USH2A: variants seen among roughly 807,000 people sequenced by gnomAD.
USH2A encodes the protein usherin, also known as Usher syndrome 2A (autosomal recessive, mild).
A neutral mutation model predicts 538.9 loss-of-function variants in USH2A; 443 were observed. The ratio of observed to expected loss-of-function variants is 0.82; its 90% CI spans 0.76 to 0.89. The LOEUF (loss-of-function observed/expected upper bound fraction) is 0.89. USH2A is among the 40% of genes least tolerant of loss of function. The pLI, the probability that USH2A is intolerant of heterozygous loss-of-function variation, is 0.00. For missense variants in USH2A, 6,633 were observed against 6,324.8 expected (o/e 1.05, Z -1.65); for synonymous variants, 2,413 against 2,273.5 (o/e 1.06, Z -1.75).
At chr1:216,071,361 C>T (rs372354824) in intron 29 of USH2A, among the ~76,000 whole-genome samples, 3 of 152,194 alleles carry the variant, frequency 2.0e-5, no homozygotes, top group South Asian at 2.1e-4. Flanking sequence ...AGAAAACACA[C>T]AGGCCACAAG....
At chr1:216,409,352 C>T (rs146672156) in intron 3 of USH2A, among the ~76,000 whole-genome samples, 1,558 of 152,092 alleles carry the variant, frequency 0.01, 22 homozygotes, top group African/African-American at 0.035. Flanking sequence ...AAACAAACAA[C>T]GACATTCTTG....
chr1:216,312,090 A>G (rs1231745766), intron 9 of USH2A, among the ~76,000 whole-genome samples: 2 of 152,098 alleles, frequency 1.3e-5, no homozygotes, highest in South Asian at 2.1e-4. Context: ...CAAGGCAAGA[A>G]AAGTCTACTG....
At chr1:215,753,281 TA>T (rs1205629944) in intron 58 of USH2A, among the ~76,000 whole-genome samples, 1 of 152,058 alleles carries the variant, frequency 6.6e-6, no homozygotes, top group Non-Finnish European at 1.5e-5. Flanking sequence ...GAACTAGAAA[TA>T]CCATTTGACC....
At chr1:216,176,397 A>G (rs868352588) in intron 20 of USH2A, among the ~76,000 whole-genome samples, 20 of 151,898 alleles carry the variant, frequency 1.3e-4, no homozygotes, top group African/African-American at 4.8e-4. Flanking sequence ...CACTACGCCC[A>G]GTAGACTTAA....
intron 4 of USH2A, among the ~76,000 whole-genome samples, chr1:216,329,543 C>T (rs566241428): frequency 2.6e-5 from 4 of 152,040 alleles, no homozygotes; most frequent in Admixed American, 6.6e-5. Context: ...GCCTGTGTCC[C>T]GTTTTTTCTT....
rs747767544 is a variant in USH2A, at chr1:216,418,599, C to T, written c.566G>A (p.Arg189His). The change falls in exon 3 of 72, where the codon CGC becomes CAC. Residue 189 changes from arginine to histidine, a missense_variant. Coordinates refer to ENST00000307340, the MANE Select transcript of USH2A (RefSeq NM_206933.4). ...TGGAGGTTGCAAACCATTTACTGTG[C>T]GATAATAAAACATGGTCTCTTTCTC... ...ISEKETMFYYRTVNGLQPPIK... is the reference protein window; with the variant it reads ...ISEKETMFYYHTVNGLQPPIK... 27 of 1,613,098 alleles carry T rather than the reference C, an allele frequency of 1.7e-5. No individual in the cohort carries two copies. The highest frequency in any genetic ancestry group is 2.2e-5 in the East Asian group (1 of 44,818).
At chr1:215,820,212 C>T (rs1242380632) in intron 47 of USH2A, among the ~76,000 whole-genome samples, 2 of 151,200 alleles carry the variant, frequency 1.3e-5, no homozygotes, top group African/African-American at 4.9e-5. Context: ...TACCTTAATA[C>T]AACTTCTGAT....
intron 32 of USH2A, among the ~76,000 whole-genome samples, chr1:216,015,830 A>G (rs1288049067): frequency 6.6e-6 from 1 of 152,174 alleles, no homozygotes; most frequent in African/African-American, 2.4e-5. Context: ...TGACCTAGCT[A>G]TCCCATTACT....
rs780126326 is a variant in USH2A at position 216,323,548 on chromosome 1, C to T, written c.1476G>A (p.Gln492=). ...TAACAGCAGTCTCAGTTGTATAGTA[C>T]TGCCCATGAAAATGAAACCTTATTT... ...ATQIRFHFHG[Q]YYTTETAVNL... Residue 492 remains glutamine (Q), a synonymous_variant, in exon 8 of 72, where the codon CAG becomes CAA. Coordinates refer to ENST00000307340, the MANE Select transcript of USH2A (RefSeq NM_206933.4). 1.2e-6 allele frequency: 2 copies of T among 1,613,504 alleles called. No homozygotes were observed. Among genetic ancestry groups the T allele is most frequent in the East Asian group, 2.2e-5 (1 of 44,784 alleles).
chr1:215,970,113 G>A (rs1667454864), intron 36 of USH2A, among the ~76,000 whole-genome samples: 1 of 152,118 alleles, frequency 6.6e-6, no homozygotes, highest in African/African-American at 2.4e-5. Context: ...ATCAAAAGCT[G>A]ATATTGATGT....
At chr1:215,897,388 T>C (rs1402980804) in intron 40 of USH2A, among the ~76,000 whole-genome samples, 2 of 152,154 alleles carry the variant, frequency 1.3e-5, no homozygotes, top group East Asian at 1.9e-4. Context: ...AATTTCTACA[T>C]TGAAAATTGC....
rs115612986 is a variant in USH2A at position 216,162,112 on chromosome 1, T to A, written c.4627+13140A>T. Among the ~76,000 whole-genome samples the A allele has an allele frequency of 3.7e-3, 565 of 152,168 alleles. 3 individuals carry two copies. Among genetic ancestry groups the A allele is most frequent in the African/African-American group, 0.013 (544 of 41,560 alleles). On this transcript the variant is annotated intron_variant, in intron 21 of 71. Transcript: ENST00000307340. ...TTCATATTTGATAATATTTGGCTAT[T>A]CTACAATATTACTATTGTCTCATTC... is the stretch of plus-strand genomic sequence containing the variant.
intron 11 of USH2A, among the ~76,000 whole-genome samples, chr1:216,253,606 TATTG>T (rs1398307656): frequency 1.3e-5 from 2 of 152,206 alleles, no homozygotes; most frequent in African/African-American, 2.4e-5. Context: ...ATTCTATGCG[TATTG>T]ATCATTTCGT....
chr1:216,130,961 T>C (rs974924539), intron 21 of USH2A, among the ~76,000 whole-genome samples: 4 of 151,906 alleles, frequency 2.6e-5, no homozygotes, highest in Admixed American at 1.3e-4. Context: ...CTCATCGACT[T>C]CAACATCTAT....
intron 60 of USH2A, among the ~76,000 whole-genome samples, chr1:215,730,251 T>G (rs1335361838): frequency 6.6e-6 from 1 of 152,214 alleles, no homozygotes; most frequent in Non-Finnish European, 1.5e-5. Flanking sequence ...AGCAAAGTTC[T>G]GGAGGAACTG....
At chr1:216,403,513 T>A (rs77349208) in intron 3 of USH2A, among the ~76,000 whole-genome samples, 1 of 152,144 alleles carries the variant, frequency 6.6e-6, no homozygotes, top group Non-Finnish European at 1.5e-5. Flanking sequence ...TGATTGTCTA[T>A]GTAGAAAATT....
Position 215,637,960 on chromosome 1 carries a change from C to A in USH2A, c.15052+1195G>T, listed in dbSNP as rs566761546. ...TCTAATTTGCTTTTATAAAGTATCA[C>A]AAATTTAGATTCAGAGACTATGAGT... is the stretch of plus-strand genomic sequence containing the variant. On this transcript the variant is annotated intron_variant, in intron 69 of 71. Coordinates refer to ENST00000307340, the MANE Select transcript of USH2A (RefSeq NM_206933.4). Among the ~76,000 whole-genome samples the A allele has an allele frequency of 3.3e-5, 5 of 152,176 alleles. No homozygotes were observed. The East Asian group carries it at 5.8e-4, about 18-fold the overall frequency.
chr1:216,147,160 C>T (rs1418846492), intron 21 of USH2A, among the ~76,000 whole-genome samples: 2 of 151,996 alleles, frequency 1.3e-5, no homozygotes, highest in East Asian at 1.9e-4. Flanking sequence ...CAACCCCAAG[C>T]ATCGCTGAGT....
intron 18 of USH2A, among the ~76,000 whole-genome samples, chr1:216,197,265 A>G (rs1382036787): frequency 1.3e-5 from 2 of 152,134 alleles, no homozygotes; most frequent in Non-Finnish European, 2.9e-5. Flanking sequence ...ATACACATGC[A>G]TTTCCCTTTC....
Sources: gnomAD v4.1 joint callset for allele counts (sites outside exome capture counted in the v4.1 genomes callset) on GRCh38, gnomAD v4.1.1 for gene constraint, MANE v1.5 for transcripts, NCBI Gene and HGNC (gene_info 2026-07-23, HGNC 2026-07-21) for gene names.